HACE1: variants seen among roughly 807,000 people sequenced by gnomAD.
HACE1 encodes the protein E3 ubiquitin-protein ligase HACE1.
A neutral mutation model predicts 118.4 loss-of-function variants in HACE1; 73 were observed. The ratio of observed to expected loss-of-function variants is 0.62; its 90% CI spans 0.51 to 0.75. The LOEUF is 0.75. Among genes scored for constraint, HACE1 ranks in the 30% least tolerant of loss-of-function variants. HACE1 has a pLI of 0.00. For synonymous variants in HACE1, 368 were observed against 374.8 expected (o/e 0.98, Z 0.21); for missense variants, 749 against 1,102.2 (o/e 0.68, Z 4.54).
chr6:104,778,532 T>C (rs1431368724), intron 14 of HACE1, among the ~76,000 whole-genome samples: 1 of 152,016 alleles, frequency 6.6e-6, no homozygotes, highest in Non-Finnish European at 1.5e-5. Flanking sequence ...TGGTGGCTCA[T>C]GCCTGTAATC....
intron 19 of HACE1, among the ~76,000 whole-genome samples, chr6:104,768,481 A>C (rs1417050029): frequency 1.3e-5 from 2 of 152,170 alleles, no homozygotes; most frequent in African/African-American, 4.8e-5. Context: ...GCAAGGTAAA[A>C]TGTGATGTGT....
rs1476119220 is a variant in HACE1, at chr6:104,859,864, C to A, written c.-222G>T. The A allele has an allele frequency of 6.0e-6, 3 of 498,762 alleles. No homozygotes were observed. The highest frequency in any genetic ancestry group is 5.3e-5 in the South Asian group (2 of 37,968). 30.9% of individuals were successfully genotyped at this position (498,762 alleles called of 1,614,324 possible). A position where few individuals can be genotyped will look rare whatever the true frequency, so the allele number is the denominator to read the frequency against. ...CAGTACACCCGCCGCCGCCTCTGCT[C>A]GCGCCTTTCCTGCAGCCCCCGCCGC... is the stretch of plus-strand genomic sequence containing the variant. On this transcript the variant is annotated 5_prime_UTR_variant, in exon 1 of 24. Coordinates refer to ENST00000262903, the MANE Select transcript of HACE1 (RefSeq NM_020771.4).
intron 6 of HACE1, among the ~76,000 whole-genome samples, chr6:104,820,640 T>C (rs992252065): frequency 6.6e-6 from 1 of 152,256 alleles, no homozygotes; most frequent in East Asian, 1.9e-4. Context: ...CACAATGAGA[T>C]ACCATCTCAC....
chr6:104,854,153 T>C (rs1053226772), intron 1 of HACE1, among the ~76,000 whole-genome samples: 1 of 151,974 alleles, frequency 6.6e-6, no homozygotes, highest in Non-Finnish European at 1.5e-5. Flanking sequence ...AAGCCCAAAT[T>C]AAAGGGAATT....
In HACE1 at chr6:104,791,574, G is replaced by A. The variant is rs769736205; in HGVS notation, c.1004C>T (p.Pro335Leu). 5 of 1,611,074 alleles carry A rather than the reference G, an allele frequency of 3.1e-6. No individual in the cohort carries two copies. The highest frequency in any genetic ancestry group is 4.2e-6 in the Non-Finnish European group (5 of 1,177,382). ...ATCAATTCCATTACTGGGGGAGGATGGACCAATTCGAAAGACGTGACAAAA... is the reference window on the plus strand; with the variant it reads ...ATCAATTCCATTACTGGGGGAGGATAGACCAATTCGAAAGACGTGACAAAA... ...RMFCHVFRIG[P>L]SSPSNGIDMG... is the part of the protein sequence containing the mutation. The change falls in exon 11 of 24, where the codon CCA becomes CTA. Residue 335 changes from proline to leucine, a missense_variant. Around this residue, in one of 5 missense-constraint regions of HACE1, gnomAD observed 267 missense variants for 312.2 expected, o/e 0.86. Transcript: ENST00000262903.
At chr6:104,756,422 AAAAAATAT>A (rs1236980274) in intron 19 of HACE1, among the ~76,000 whole-genome samples, 1,400 of 129,620 alleles carry the variant, frequency 0.011, 13 homozygotes, top group African/African-American at 0.027. Context: ...AAAAAAAAAA[AAAAAATAT>A]ATATATATAT....
intron 20 of HACE1, among the ~76,000 whole-genome samples, chr6:104,749,781 G>A (rs1471888594): frequency 6.6e-6 from 1 of 151,912 alleles, no homozygotes; most frequent in East Asian, 1.9e-4. Context: ...AAATCCTGTT[G>A]GATCACAGTA....
chr6:104,784,959 AAAAT>A, intron 12 of HACE1, 22 bp downstream of exon 12: 1 of 1,498,098 alleles, frequency 6.7e-7, no homozygotes, highest in South Asian at 1.2e-5. Context: ...AGAGAAAAAA[AAAAT>A]AATAAGCCAA....
intron 22 of HACE1, among the ~76,000 whole-genome samples, chr6:104,735,630 CAA>C (rs1158162519): frequency 2.3e-5 from 3 of 130,144 alleles, no homozygotes; most frequent in South Asian, 2.4e-4. Flanking sequence ...GACTCCGTCT[CAA>C]AAAAAAAAAA....
chr6:104,734,549 T>C (rs112423466), intron 22 of HACE1, among the ~76,000 whole-genome samples: 1 of 152,230 alleles, frequency 6.6e-6, no homozygotes, highest in East Asian at 1.9e-4. Flanking sequence ...ACTCAAAATA[T>C]AGAGCTCTAA....
chr6:104,820,371 T>C (rs370296382), intron 6 of HACE1, among the ~76,000 whole-genome samples: 247 of 152,128 alleles, frequency 1.6e-3, no homozygotes, highest in Non-Finnish European at 2.2e-3. Flanking sequence ...AGTTTCTGCA[T>C]AGCGAAAAAA....
At chr6:104,798,148 G>T (rs1769897253) in intron 7 of HACE1, among the ~76,000 whole-genome samples, 1 of 151,678 alleles carries the variant, frequency 6.6e-6, no homozygotes, top group African/African-American at 2.4e-5. Flanking sequence ...GGAAGAGCAT[G>T]AATCCAAAAA....
At chr6:104,748,355 G>A (rs1337587556) in intron 20 of HACE1, among the ~76,000 whole-genome samples, 2 of 151,962 alleles carry the variant, frequency 1.3e-5, no homozygotes, top group East Asian at 1.9e-4. Flanking sequence ...TTAGCTATCA[G>A]GTAAATACAA....
intron 20 of HACE1, among the ~76,000 whole-genome samples, chr6:104,746,751 C>A (rs112410111): frequency 1.3e-5 from 2 of 152,278 alleles, no homozygotes; most frequent in African/African-American, 4.8e-5. Flanking sequence ...GATATTTGAA[C>A]CATCTGGAGA....
chr6:104,738,656 T>C (rs1486878427), intron 22 of HACE1, among the ~76,000 whole-genome samples: 1 of 148,852 alleles, frequency 6.7e-6, no homozygotes, highest in African/African-American at 2.5e-5. Flanking sequence ...CTCCAAGAAA[T>C]ATGGGACTAT....
At chr6:104,815,733 T>C (rs1772039645) in intron 6 of HACE1, among the ~76,000 whole-genome samples, 1 of 138,334 alleles carries the variant, frequency 7.2e-6, no homozygotes, top group Non-Finnish European at 1.6e-5. Flanking sequence ...AGCATTCACT[T>C]ACATGCATTC....
At chr6:104,847,939 C>A (rs1217258921) in intron 4 of HACE1, among the ~76,000 whole-genome samples, 2 of 151,830 alleles carry the variant, frequency 1.3e-5, no homozygotes, top group African/African-American at 4.8e-5. Context: ...CATGCCTCAG[C>A]CTCCCAGGCT....
chr6:104,800,794 C>A (rs1302797829), intron 7 of HACE1, among the ~76,000 whole-genome samples: 1 of 152,082 alleles, frequency 6.6e-6, no homozygotes, highest in Non-Finnish European at 1.5e-5. Flanking sequence ...TTCTAAAAAC[C>A]AGAGCACCTC....
chr6:104,851,733 A>C (rs1211003254), intron 2 of HACE1, among the ~76,000 whole-genome samples: 10 of 151,896 alleles, frequency 6.6e-5, no homozygotes, highest in African/African-American at 9.7e-5. Flanking sequence ...TTTAAAACAA[A>C]AAAAAAAATT....
Sources: gnomAD v4.1 joint callset for allele counts (sites outside exome capture counted in the v4.1 genomes callset) on GRCh38, gnomAD v4.1.1 for gene constraint, gnomAD v4.1.1 regional missense constraint, MANE v1.5 for transcripts, NCBI Gene and HGNC (gene_info 2026-07-23, HGNC 2026-07-21) for gene names.